Variants in SYT16 observed in about 807,000 individuals in gnomAD.
SYT16 encodes the protein synaptotagmin 16.
Under a neutral mutation model 61.4 loss-of-function variants are expected in SYT16, and 42 were observed. The ratio of observed to expected loss-of-function variants is 0.68; its 90% CI spans 0.53 to 0.89. SYT16 has a LOEUF of 0.89. Ranked by LOEUF, SYT16 falls within the 40% of genes least tolerant of loss-of-function variation. The pLI is 0.00. For missense variants in SYT16, 804 were observed against 807.3 expected (o/e 1.00, Z 0.05); for synonymous variants, 314 against 302.3 (o/e 1.04, Z -0.40).
rs2057571089 is a variant in SYT16 at position 62,109,561 on chromosome 14, G to GT, written c.*8858dup. On this transcript the variant is annotated 3_prime_UTR_variant, in exon 8 of 8. Transcript: ENST00000683842. ...ATTTCACCTATATGATATTGAGCTT[G>GT]TTTTACATTGGGGGAGGAGATTTAT... is the stretch of plus-strand genomic sequence containing the variant. 1 of 151,990 alleles carries GT rather than the reference G, an allele frequency of 6.6e-6. No individual in the cohort carries two copies. The highest frequency in any genetic ancestry group is 1.5e-5 in the Non-Finnish European group (1 of 67,996). 9.4% of individuals were successfully genotyped at this position (151,990 alleles called of 1,614,324 possible).
intron 1 of SYT16, among the ~76,000 whole-genome samples, chr14:61,818,530 T>C (rs2045512687): frequency 6.6e-6 from 1 of 151,928 alleles, no homozygotes; most frequent in African/African-American, 2.4e-5. Context: ...TTACAAAAAT[T>C]AGCAGGGCGT....
intron 2 of SYT16, among the ~76,000 whole-genome samples, chr14:61,970,730 TACTC>T (rs967455582): frequency 6.6e-6 from 1 of 152,188 alleles, no homozygotes; most frequent in Non-Finnish European, 1.5e-5. Context: ...CCATGTCACT[TACTC>T]ACTGCCTTCA....
At chr14:62,006,179 GT>G (rs1175094056) in intron 3 of SYT16, among the ~76,000 whole-genome samples, 2 of 123,796 alleles carry the variant, frequency 1.6e-5, no homozygotes, top group African/African-American at 5.6e-5. Context: ...TAAAACAGCT[GT>G]TTTTTGTTTT....
chr14:61,949,955 C>A (rs2050605039), intron 1 of SYT16, among the ~76,000 whole-genome samples: 1 of 152,202 alleles, frequency 6.6e-6, no homozygotes, highest in Admixed American at 6.5e-5. Context: ...AAAACACCAC[C>A]TTCTGTGCCT....
chr14:61,827,217 TCTC>T (rs768206190), intron 1 of SYT16, among the ~76,000 whole-genome samples: 1 of 152,114 alleles, frequency 6.6e-6, no homozygotes, highest in African/African-American at 2.4e-5. Flanking sequence ...TTCTGCCAGT[TCTC>T]CTGTTTTCAG....
intron 1 of SYT16, among the ~76,000 whole-genome samples, chr14:61,961,688 T>C (rs756507207): frequency 2.0e-5 from 3 of 152,180 alleles, no homozygotes; most frequent in Non-Finnish European, 4.4e-5. Context: ...TTAGTTTAGC[T>C]ATTGTGGAAA....
chr14:61,816,166 G>A (rs2045419808), intron 1 of SYT16, among the ~76,000 whole-genome samples: 1 of 152,114 alleles, frequency 6.6e-6, no homozygotes, highest in African/African-American at 2.4e-5. Context: ...TGATGTTCCT[G>A]CCCTGCAGTC....
intron 1 of SYT16, among the ~76,000 whole-genome samples, chr14:61,821,766 T>C (rs2045626453): frequency 6.6e-6 from 1 of 152,192 alleles, no homozygotes; most frequent in Admixed American, 6.5e-5. Context: ...AAGGAAGGGA[T>C]TAAACAAGGA....
intron 1 of SYT16, among the ~76,000 whole-genome samples, chr14:61,939,730 A>G (rs2050135375): frequency 6.6e-6 from 1 of 152,112 alleles, no homozygotes; most frequent in Non-Finnish European, 1.5e-5. Context: ...TCAATCTGTG[A>G]ATTTTATGGG....
rs890909209 is a variant in SYT16, at chr14:61,986,445, TTA to T, written c.-144-9417_-144-9416del. On this transcript the variant is annotated intron_variant, in intron 2 of 7. Transcript: ENST00000683842. ...CTTTTTTATTTTTTATTTAAAAAAT[TTA>T]TATATATATATATTTTTATTATACT... Among the ~76,000 whole-genome samples, 341 of 149,180 alleles carry T rather than the reference TTA, an allele frequency of 2.3e-3. 3 individuals are homozygous for T. The highest frequency in any genetic ancestry group is 7.0e-3 in the African/African-American group (286 of 40,998).
intron 1 of SYT16, among the ~76,000 whole-genome samples, chr14:61,814,291 GAAA>G (rs34500721): frequency 1.3e-5 from 2 of 151,752 alleles, no homozygotes; most frequent in African/African-American, 4.8e-5. Flanking sequence ...TGTGTGTTTA[GAAA>G]AAAAATTATG....
chr14:61,824,812 A>G (rs1362126165), intron 1 of SYT16, among the ~76,000 whole-genome samples: 1 of 152,126 alleles, frequency 6.6e-6, no homozygotes, highest in Non-Finnish European at 1.5e-5. Context: ...GGTCAAAACT[A>G]CTTTCATAAT....
chr14:61,851,389 A>T (rs1233737696), intron 1 of SYT16, among the ~76,000 whole-genome samples: 1 of 152,190 alleles, frequency 6.6e-6, no homozygotes, highest in Non-Finnish European at 1.5e-5. Flanking sequence ...AGGTATCTTT[A>T]TAATAGAATG....
At chr14:61,872,263 AC>A (rs1472833587) in intron 1 of SYT16, among the ~76,000 whole-genome samples, 17 of 152,276 alleles carry the variant, frequency 1.1e-4, no homozygotes, top group African/African-American at 3.9e-4. Flanking sequence ...TAATAGATGT[AC>A]CTATTTTTAG....
intron 1 of SYT16, among the ~76,000 whole-genome samples, chr14:61,846,358 A>G (rs1417216239): frequency 2.0e-5 from 3 of 152,098 alleles, no homozygotes; most frequent in Non-Finnish European, 2.9e-5. Context: ...GTGCATATGT[A>G]TTTAAAGTTG....
chr14:61,920,497 CTCTT>C (rs1487508026), intron 1 of SYT16, among the ~76,000 whole-genome samples: 3 of 152,124 alleles, frequency 2.0e-5, no homozygotes, highest in Admixed American at 2.0e-4. Context: ...TGTCCTCTCT[CTCTT>C]CTTAGATGAT....
At chr14:61,874,123 T>G (rs562966543) in intron 1 of SYT16, among the ~76,000 whole-genome samples, 1 of 152,224 alleles carries the variant, frequency 6.6e-6, no homozygotes, top group Non-Finnish European at 1.5e-5. Flanking sequence ...TAGAGGATGG[T>G]GAATATGAAC....
At chr14:61,935,802 T>C (rs1458014748) in intron 1 of SYT16, among the ~76,000 whole-genome samples, 3 of 152,248 alleles carry the variant, frequency 2.0e-5, no homozygotes, top group Non-Finnish European at 1.5e-5. Context: ...AAGCACATAG[T>C]AGGTTCTTTT....
intron 1 of SYT16, among the ~76,000 whole-genome samples, chr14:61,912,813 A>G (rs1355074755): frequency 1.3e-5 from 2 of 152,212 alleles, no homozygotes; most frequent in Non-Finnish European, 2.9e-5. Flanking sequence ...AAGATGATTT[A>G]GTCCCCATCA....
Sources: allele counts gnomAD v4.1 joint callset (sites outside exome capture counted in the v4.1 genomes callset), GRCh38; gene constraint gnomAD v4.1.1; transcripts MANE v1.5; gene names NCBI Gene and HGNC (gene_info 2026-07-23, HGNC 2026-07-21).